Variants in THADA observed in about 807,000 individuals in gnomAD.
THADA encodes the protein tRNA (32-2'-O)-methyltransferase regulator THADA.
THADA carries 213 observed loss-of-function variants against 219.8 expected under a neutral mutation model. That is an observed-to-expected ratio of 0.97 (90% CI 0.87 to 1.09). The LOEUF (loss-of-function observed/expected upper bound fraction) is 1.09. THADA is among the 50% of genes least tolerant of loss of function. The pLI is 0.00. For missense variants in THADA, 2,956 were observed against 2,311.3 expected, an observed-to-expected ratio of 1.28 and a Z score of -5.72; for synonymous variants, 1,018 against 828.9, an observed-to-expected ratio of 1.23 and a Z score of -3.92.
intron 31 of THADA, among the ~76,000 whole-genome samples, chr2:43,302,683 G>T (rs1676403984): frequency 6.6e-6 from 1 of 151,574 alleles, no homozygotes; most frequent in Non-Finnish European, 1.5e-5. Flanking sequence ...CTTCATGAAA[G>T]AAAGTCTCTT....
At chr2:43,557,860 C>G (rs1280736331) in intron 16 of THADA, among the ~76,000 whole-genome samples, 1 of 152,204 alleles carries the variant, frequency 6.6e-6, no homozygotes, top group Non-Finnish European at 1.5e-5. Context: ...AATTTCACAA[C>G]AGTGGATATC....
chr2:43,367,523 C>T (rs747212373), intron 29 of THADA, among the ~76,000 whole-genome samples: 1 of 152,054 alleles, frequency 6.6e-6, no homozygotes, highest in Non-Finnish European at 1.5e-5. Flanking sequence ...GTATTGTGAG[C>T]CTGCATTAAT....
intron 22 of THADA, among the ~76,000 whole-genome samples, chr2:43,512,441 T>A (rs1417248656): frequency 6.6e-6 from 1 of 152,230 alleles, no homozygotes; most frequent in Non-Finnish European, 1.5e-5. Context: ...CCCTTTTTAC[T>A]AAAATTAAAC....
chr2:43,573,039 C>A, intron 11 of THADA, 47 bp from the exon 12 acceptor site: 1 of 1,374,772 alleles, frequency 7.3e-7, no homozygotes, highest in Non-Finnish European at 9.7e-7. Flanking sequence ...GCAATGACTA[C>A]TATAATTATC....
Position 43,586,461 on chromosome 2 carries a change from A to T in THADA, c.485-12T>A. On this transcript the variant is annotated splice_polypyrimidine_tract_variant and intron_variant, in intron 6 of 37. Transcript: ENST00000405975. The stretch of plus-strand genomic sequence containing the variant: ...CAGAAAATGAAGCACTGAAACAAAA[A>T]GAATATGACAAATAAGAATTTAAAA... 1.3e-6 allele frequency: 2 copies of T among 1,553,030 alleles called. No individual in the cohort carries two copies. The highest frequency in any genetic ancestry group is 3.5e-4 in the Middle Eastern group (2 of 5,794).
At chr2:43,553,530 G>A (rs1490583558) in intron 17 of THADA, among the ~76,000 whole-genome samples, 1 of 152,164 alleles carries the variant, frequency 6.6e-6, no homozygotes, top group Admixed American at 6.6e-5. Flanking sequence ...CTGGAAACTT[G>A]ATATTGGAAT....
At chr2:43,476,017 T>C (rs558368105) in intron 26 of THADA, among the ~76,000 whole-genome samples, 1 of 152,296 alleles carries the variant, frequency 6.6e-6, no homozygotes, top group South Asian at 2.1e-4. Flanking sequence ...ACAGAACTGA[T>C]TTTGGTTGGG....
At chr2:43,272,127 A>G (rs1328757612) in intron 36 of THADA, among the ~76,000 whole-genome samples, 2 of 152,210 alleles carry the variant, frequency 1.3e-5, no homozygotes, top group East Asian at 3.9e-4. Context: ...GAATATTCCA[A>G]GCAGAGGGAA....
chr2:43,456,482 G>C (rs1683012278), intron 26 of THADA, among the ~76,000 whole-genome samples: 1 of 152,092 alleles, frequency 6.6e-6, no homozygotes, highest in Non-Finnish European at 1.5e-5. Flanking sequence ...CCTGACCAGA[G>C]GAATACCACA....
At position 43,470,677 on chromosome 2, in the gene THADA, C is replaced by T. The variant is rs529003385; in HGVS notation, c.3836+14557G>A. ...TTGTATTTGAGTGACAAGAATAAGA[C>T]TCTAACTTTTTCATATTCTCCATTA... On this transcript the variant is annotated intron_variant, in intron 26 of 37. Transcript: ENST00000405975. Among the ~76,000 whole-genome samples the T allele has an allele frequency of 5.9e-5, 9 of 152,120 alleles. No homozygotes were observed. The South Asian group carries it at 1.2e-3, about 21-fold the overall frequency.
chr2:43,534,726 A>T (rs1029266555), intron 21 of THADA, among the ~76,000 whole-genome samples: 5 of 152,158 alleles, frequency 3.3e-5, no homozygotes, highest in African/African-American at 1.2e-4. Context: ...GTTGTTGGAC[A>T]CCCAGGTTGA....
intron 28 of THADA, among the ~76,000 whole-genome samples, chr2:43,415,841 G>C (rs1294128389): frequency 6.6e-6 from 1 of 152,116 alleles, no homozygotes; most frequent in Non-Finnish European, 1.5e-5. Context: ...TTCTAAAGCT[G>C]CTACTTTAGA....
rs886988016 is a variant in THADA at position 43,495,176 on chromosome 2, A to G, written c.3744+3657T>C. 2.0e-5 allele frequency among the ~76,000 whole-genome samples: 3 copies of G among 152,338 alleles called. No individual in the cohort carries two copies. The East Asian group carries it at 5.8e-4, about 29-fold the overall frequency. ...TTTTTGTAAGTGAATACTTCTTCAC[A>G]TCCATTAAATAGGTTGACTCATAAA... On this transcript the variant is annotated intron_variant, in intron 25 of 37. Coordinates refer to ENST00000405975, the MANE Select transcript of THADA (RefSeq NM_022065.5).
intron 29 of THADA, among the ~76,000 whole-genome samples, chr2:43,385,606 C>CAAAAAAAAAAAAAAA (rs532857816): frequency 2.0e-5 from 1 of 49,930 alleles, no homozygotes; most frequent in Non-Finnish European, 4.4e-5. Context: ...GACTCCGTCT[C>CAAAAAAAAAAAAAAA]AAAAAAAAAA....
rs551418010 is a variant in THADA, at chr2:43,406,500, G to T, written c.4059-8361C>A. On this transcript the variant is annotated intron_variant, in intron 28 of 37. Coordinates refer to ENST00000405975, the MANE Select transcript of THADA (RefSeq NM_022065.5). ...ATACAATTTGAAACTGAATTTTTCAGATTCCAACCAAATGTTTTAGACAGC... is the reference window on the plus strand; with the variant it reads ...ATACAATTTGAAACTGAATTTTTCATATTCCAACCAAATGTTTTAGACAGC... Among the ~76,000 whole-genome samples the T allele has an allele frequency of 3.9e-5, 6 of 152,254 alleles. No homozygotes were observed. The South Asian group carries it at 1.2e-3, about 32-fold the overall frequency.
At chr2:43,413,188 C>T (rs1465093045) in intron 28 of THADA, among the ~76,000 whole-genome samples, 1 of 152,058 alleles carries the variant, frequency 6.6e-6, no homozygotes, top group Non-Finnish European at 1.5e-5. Context: ...TCTTTATTTT[C>T]CCTTTCCTCC....
intron 36 of THADA, among the ~76,000 whole-genome samples, chr2:43,268,727 C>T (rs1482146784): frequency 6.6e-6 from 1 of 152,186 alleles, no homozygotes; most frequent in Non-Finnish European, 1.5e-5. Context: ...CCCTGCCCTG[C>T]AGAACTTCTC....
intron 26 of THADA, among the ~76,000 whole-genome samples, chr2:43,445,100 C>G (rs1249464831): frequency 6.6e-6 from 1 of 152,060 alleles, no homozygotes. Context: ...AAAACCACCC[C>G]ACAAGAGAGA....
At chr2:43,357,867 T>C (rs1172438694) in intron 29 of THADA, among the ~76,000 whole-genome samples, 2 of 152,232 alleles carry the variant, frequency 1.3e-5, no homozygotes, top group Admixed American at 6.5e-5. Context: ...TTCTGTAATT[T>C]AGAAAGTTTT....
Sources: gnomAD v4.1 joint callset for allele counts (sites outside exome capture counted in the v4.1 genomes callset) on GRCh38, gnomAD v4.1.1 for gene constraint, MANE v1.5 for transcripts, NCBI Gene and HGNC (gene_info 2026-07-23, HGNC 2026-07-21) for gene names.